Variants in CELF2 observed in about 807,000 individuals in gnomAD.
CELF2 encodes CUG triplet repeat RNA-binding protein 2.
CELF2 carries 8 observed loss-of-function variants against 62.6 expected under a neutral mutation model. The ratio of observed to expected loss-of-function variants is 0.13; its 90% CI spans 0.07 to 0.23. CELF2 has a LOEUF of 0.23. Ranked by LOEUF, CELF2 falls within the 10% of genes least tolerant of loss-of-function variation. CELF2 has a pLI of 1.00. For missense variants in CELF2, 333 were observed against 671.0 expected (o/e 0.50, Z 5.56); for synonymous variants, 258 against 250.0 (o/e 1.03, Z -0.30).
intron 1 of CELF2, among the ~76,000 whole-genome samples, chr10:10,913,209 TGACC>T (rs1246867252): frequency 6.6e-6 from 1 of 152,046 alleles, no homozygotes; most frequent in Non-Finnish European, 1.5e-5. Context: ...TAGTGATGAA[TGACC>T]AGAGGGAAAA....
chr10:10,500,198 A>G, the CELF2 span, among the ~76,000 whole-genome samples: 1 of 152,230 alleles, frequency 6.6e-6, no homozygotes, highest in Admixed American at 6.5e-5. Context: ...TACTTACAGT[A>G]TTCCCATTTT....
At chr10:11,116,914 TA>T (rs2056683150) in intron 1 of CELF2, among the ~76,000 whole-genome samples, 1 of 152,204 alleles carries the variant, frequency 6.6e-6, no homozygotes, top group African/African-American at 2.4e-5. Flanking sequence ...GGCTTACAGA[TA>T]CTATTATATT....
chr10:11,230,408 C>T (rs1192129359), intron 3 of CELF2, among the ~76,000 whole-genome samples: 2 of 152,202 alleles, frequency 1.3e-5, no homozygotes, highest in South Asian at 2.1e-4. Flanking sequence ...CTGGGAGTCC[C>T]TCACAGGGTG....
chr10:10,696,271 G>A, the CELF2 span, among the ~76,000 whole-genome samples: 8 of 151,620 alleles, frequency 5.3e-5, no homozygotes, highest in Admixed American at 1.3e-4. Flanking sequence ...CGTGTGAGGT[G>A]TCAGTGTGCC....
chr10:10,695,339 C>G, the CELF2 span, among the ~76,000 whole-genome samples: 2 of 143,328 alleles, frequency 1.4e-5, no homozygotes, highest in Middle Eastern at 3.6e-3. Context: ...TTGGCCCCCA[C>G]TCTCTTCTGG....
At chr10:11,206,803 C>G (rs970908749) in intron 2 of CELF2, among the ~76,000 whole-genome samples, 3 of 152,254 alleles carry the variant, frequency 2.0e-5, no homozygotes, top group African/African-American at 7.2e-5. Flanking sequence ...AGCTTATTAT[C>G]TTTCATTCCT....
chr10:11,310,651 G>A (rs1314241961), intron 9 of CELF2, among the ~76,000 whole-genome samples: 1 of 151,806 alleles, frequency 6.6e-6, no homozygotes, highest in Non-Finnish European at 1.5e-5. Context: ...ATTCAAACAT[G>A]TGCGAGGGAT....
the CELF2 span, among the ~76,000 whole-genome samples, chr10:10,660,564 C>A: frequency 6.6e-6 from 1 of 152,206 alleles, no homozygotes; most frequent in Non-Finnish European, 1.5e-5. Context: ...CTCTTAGGCA[C>A]TCCCAGTATT....
chr10:10,648,568 A>G, the CELF2 span, among the ~76,000 whole-genome samples: 1 of 152,232 alleles, frequency 6.6e-6, no homozygotes. Context: ...ATTACATGGC[A>G]TCACACTGAA....
intron 2 of CELF2, chr10:10,966,616 T>C (rs1201775198): frequency 1.3e-5 from 2 of 152,242 alleles, no homozygotes; most frequent in African/African-American, 4.8e-5. Flanking sequence ...ACATTCTCCT[T>C]CCTTTCTGGA....
intron 1 of CELF2, among the ~76,000 whole-genome samples, chr10:11,134,774 C>T (rs756260719): frequency 4.7e-4 from 71 of 152,168 alleles, no homozygotes; most frequent in Non-Finnish European, 7.2e-4. Context: ...AAGGAACACC[C>T]GGGAACCTAC....
the CELF2 span, among the ~76,000 whole-genome samples, chr10:10,489,380 C>T: frequency 6.6e-6 from 1 of 152,084 alleles, no homozygotes; most frequent in Non-Finnish European, 1.5e-5. Flanking sequence ...GAGTCTTCAT[C>T]ACTGATAATT....
At chr10:11,118,296 C>T (rs2057003667) in intron 1 of CELF2, among the ~76,000 whole-genome samples, 1 of 151,960 alleles carries the variant, frequency 6.6e-6, no homozygotes, top group Non-Finnish European at 1.5e-5. Context: ...AATAGGTCAC[C>T]TCCACTTGAT....
intron 1 of CELF2, among the ~76,000 whole-genome samples, chr10:11,049,163 CAGCTT>C (rs1306897096): frequency 2.7e-5 from 4 of 149,290 alleles, no homozygotes; most frequent in Admixed American, 2.7e-4. Context: ...AAAAAAAAAT[CAGCTT>C]AGCCTTCCAG....
At chr10:10,758,464 G>A in the CELF2 span, among the ~76,000 whole-genome samples, 1 of 152,124 alleles carries the variant, frequency 6.6e-6, no homozygotes, top group African/African-American at 2.4e-5. Context: ...TTCCTGCCTC[G>A]TCCAAAGATA....
intron 1 of CELF2, among the ~76,000 whole-genome samples, chr10:10,855,714 T>A (rs996609457): frequency 5.9e-5 from 9 of 152,228 alleles, no homozygotes; most frequent in African/African-American, 2.2e-4. Flanking sequence ...ATGTGTGCTA[T>A]GGAATACGAG....
rs1220316990 is a variant in CELF2, at chr10:11,220,921, C to CT, written c.354+3414_354+3415insT. On this transcript the variant is annotated intron_variant, in intron 3 of 12. Transcript: ENST00000633077. The surrounding 1 kb of genome is among the most constrained non-coding windows in gnomAD (Gnocchi z 4.4). ...GGTATTGGCAGGAAGTAGCAGGGATCGAGCCCAAGGGGGCCTCTAGCTAAT... is the reference window on the plus strand; with the variant it reads ...GGTATTGGCAGGAAGTAGCAGGGATCTGAGCCCAAGGGGGCCTCTAGCTAAT... 6.6e-6 allele frequency among the ~76,000 whole-genome samples: 1 copy of CT among 152,236 alleles called. No homozygotes were observed. The highest frequency in any genetic ancestry group is 2.4e-5 in the African/African-American group (1 of 41,452).
chr10:11,304,411 T>C (rs568905450), intron 9 of CELF2, among the ~76,000 whole-genome samples: 103 of 152,358 alleles, frequency 6.8e-4, no homozygotes, highest in African/African-American at 2.4e-3. Flanking sequence ...CTGTGGCTTA[T>C]AACAGAGTAC....
rs78637191 is a variant in CELF2, at chr10:11,182,821, G to C, written c.271+17139G>C. Among the ~76,000 whole-genome samples, 618 of 152,190 alleles carry C rather than the reference G, an allele frequency of 4.1e-3. 4 individuals carry two copies. The highest frequency in any genetic ancestry group is 0.014 in the African/African-American group (585 of 41,522). ...TCTTGTCGCCCAATCTCAGAAGCTC[G>C]GCATTATTCCTGACTGCTGCCTTTC... On this transcript the variant is annotated intron_variant, in intron 2 of 12. Coordinates refer to ENST00000633077, the MANE Select transcript of CELF2 (RefSeq NM_001326342.2).
Sources: allele counts gnomAD v4.1 joint callset (sites outside exome capture counted in the v4.1 genomes callset), GRCh38; gene constraint gnomAD v4.1.1; non-coding constraint Gnocchi (gnomAD v3.1); transcripts MANE v1.5; gene names NCBI Gene and HGNC (gene_info 2026-07-23, HGNC 2026-07-21).